The following MAPK10 variants were observed in gnomAD, a reference collection of about 807,000 sequenced individuals.
The protein encoded by MAPK10 is mitogen-activated protein kinase 10.
A neutral mutation model predicts 59.3 loss-of-function variants in MAPK10; 25 were observed. The ratio of observed to expected loss-of-function variants is 0.42; its 90% CI spans 0.31 to 0.59. The LOEUF is 0.59. Among genes scored for constraint, MAPK10 ranks in the 20% least tolerant of loss-of-function variants. The pLI, the probability that MAPK10 is intolerant of heterozygous loss-of-function variation, is 0.15. For synonymous variants in MAPK10, 190 were observed against 200.5 expected (o/e 0.95, Z 0.44); for missense variants, 351 against 568.9 (o/e 0.62, Z 3.90).
intron 1 of MAPK10, among the ~76,000 whole-genome samples, chr4:86,486,060 A>T (rs776074584): frequency 6.6e-6 from 1 of 152,118 alleles, no homozygotes; most frequent in Non-Finnish European, 1.5e-5. Flanking sequence ...ATTTGGGGAG[A>T]TGATGTAGGA....
chr4:86,472,530 C>T (rs1297299672), intron 1 of MAPK10, among the ~76,000 whole-genome samples: 1 of 152,054 alleles, frequency 6.6e-6, no homozygotes, highest in South Asian at 2.1e-4. Flanking sequence ...ACCTGTAGTC[C>T]CACTACTTGG....
Position 86,076,810 on chromosome 4 carries a change from G to A in MAPK10, c.803-8855C>T, listed in dbSNP as rs145874446. 1.3e-3 allele frequency among the ~76,000 whole-genome samples: 199 copies of A among 152,242 alleles called. 1 individual carries two copies. Among genetic ancestry groups the A allele is most frequent in the African/African-American group, 4.7e-3 (194 of 41,554 alleles). The stretch of plus-strand genomic sequence containing the variant: ...TATTAATTGTTAACATGGTAAATAT[G>A]TTTTTAAAGAATGACCAAAACCATT... On this transcript the variant is annotated intron_variant, in intron 9 of 13. Transcript: ENST00000641462.
At chr4:86,128,748 T>C (rs1247435631) in intron 4 of MAPK10, among the ~76,000 whole-genome samples, 1 of 152,102 alleles carries the variant, frequency 6.6e-6, no homozygotes, top group African/African-American at 2.4e-5. Flanking sequence ...AATTTTTTAT[T>C]ATAAATATAT....
intron 1 of MAPK10, among the ~76,000 whole-genome samples, chr4:86,383,932 T>C (rs1031622848): frequency 6.6e-6 from 1 of 152,234 alleles, no homozygotes; most frequent in Non-Finnish European, 1.5e-5. Context: ...CTTCTTTGAT[T>C]AATTTTTAAT....
chr4:86,239,429 C>A (rs2092544663), intron 2 of MAPK10, among the ~76,000 whole-genome samples: 1 of 152,086 alleles, frequency 6.6e-6, no homozygotes, highest in African/African-American at 2.4e-5. Flanking sequence ...ATGGTACCAG[C>A]TCCTCTTTGT....
intron 3 of MAPK10, among the ~76,000 whole-genome samples, chr4:86,177,245 C>A (rs1396217342): frequency 2.0e-5 from 3 of 151,978 alleles, no homozygotes; most frequent in Non-Finnish European, 4.4e-5. Context: ...GGGGTTCAGG[C>A]AGTCCTCCCA....
chr4:86,197,238 G>T (rs147525598), intron 2 of MAPK10, among the ~76,000 whole-genome samples: 2 of 152,186 alleles, frequency 1.3e-5, no homozygotes, highest in East Asian at 3.9e-4. Context: ...ATTTCCTTGA[G>T]CAGTGGCTCA....
chr4:86,503,111 T>C (rs778332632), intron 1 of MAPK10, among the ~76,000 whole-genome samples: 1 of 152,266 alleles, frequency 6.6e-6, no homozygotes, highest in South Asian at 2.1e-4. Flanking sequence ...TTCAAAGCCA[T>C]GTCATCCAAA....
At chr4:86,411,001 A>G (rs2149026874) in intron 1 of MAPK10, among the ~76,000 whole-genome samples, 1 of 152,194 alleles carries the variant, frequency 6.6e-6, no homozygotes, top group East Asian at 1.9e-4. Flanking sequence ...TTAGGGTGTC[A>G]ATTTTAGATC....
intron 12 of MAPK10, among the ~76,000 whole-genome samples, chr4:86,030,476 G>C (rs1163594231): frequency 6.6e-6 from 1 of 151,918 alleles, no homozygotes; most frequent in African/African-American, 2.4e-5. Context: ...GACTACAGGT[G>C]TGTACCACTA....
intron 1 of MAPK10, chr4:86,358,857 T>A (rs1735808700): frequency 6.6e-6 from 1 of 152,020 alleles, no homozygotes; most frequent in African/African-American, 2.4e-5. Context: ...GGACACAGTA[T>A]CCCAGCACAG....
chr4:86,551,409 C>A (rs1288024145), intron 1 of MAPK10, among the ~76,000 whole-genome samples: 1 of 152,084 alleles, frequency 6.6e-6, no homozygotes, highest in Non-Finnish European at 1.5e-5. Context: ...CTAAGCATAA[C>A]CAGTGAGTAA....
rs1560472397 is a variant in MAPK10 at position 86,013,054 on chromosome 4, G to A, written c.*4174C>T. The A allele has an allele frequency of 6.6e-6, 1 of 152,024 alleles. No homozygotes were observed. The highest frequency in any genetic ancestry group is 1.5e-5 in the Non-Finnish European group (1 of 68,020). The allele number at this position is 152,024 out of a possible 1,614,324, so 9.4% of individuals were successfully genotyped here. On this transcript the variant is annotated 3_prime_UTR_variant, in exon 14 of 14. Transcript: ENST00000641462. Reference sequence around the variant, plus strand: ...TGTCCATTAGAATATACTGGCCATTGGTCCCACATAAGTAAAGTTACATAT... The same window carrying A: ...TGTCCATTAGAATATACTGGCCATTAGTCCCACATAAGTAAAGTTACATAT...
At chr4:86,412,648 T>C (rs1191084795) in intron 1 of MAPK10, among the ~76,000 whole-genome samples, 2 of 152,212 alleles carry the variant, frequency 1.3e-5, no homozygotes, top group Non-Finnish European at 2.9e-5. Context: ...ATTTCATTTA[T>C]TTGATCTTAA....
At chr4:86,085,660 A>G (rs1157973259) in intron 9 of MAPK10, among the ~76,000 whole-genome samples, 1 of 152,176 alleles carries the variant, frequency 6.6e-6, no homozygotes, top group African/African-American at 2.4e-5. Context: ...GTAAATTATC[A>G]TAATAACTAG....
At chr4:86,103,117 G>T in intron 6 of MAPK10, 69 bp downstream of exon 6, 1 of 743,276 alleles carries the variant, frequency 1.3e-6, no homozygotes, top group Non-Finnish European at 2.4e-6. Context: ...GTGTGTGTGT[G>T]GTGTGTGATT....
intron 3 of MAPK10, chr4:86,164,394 C>T (rs919025893): frequency 7.9e-5 from 12 of 152,092 alleles, no homozygotes; most frequent in Admixed American, 4.6e-4. Context: ...CTTAGTGTCA[C>T]GCTTCTGGAA....
chr4:86,291,254 C>A (rs1381990271), intron 2 of MAPK10, among the ~76,000 whole-genome samples: 1 of 152,192 alleles, frequency 6.6e-6, no homozygotes, highest in African/African-American at 2.4e-5. Flanking sequence ...GCAAAAGAAA[C>A]ATAACCTCTA....
chr4:86,196,007 T>G (rs1052277542), intron 2 of MAPK10, among the ~76,000 whole-genome samples: 6 of 152,244 alleles, frequency 3.9e-5, no homozygotes, highest in African/African-American at 1.4e-4. Flanking sequence ...TTTGCTATTG[T>G]GAACAGTGCT....
Sources: allele counts gnomAD v4.1 joint callset (sites outside exome capture counted in the v4.1 genomes callset), GRCh38; gene constraint gnomAD v4.1.1; transcripts MANE v1.5; gene names NCBI Gene and HGNC (gene_info 2026-07-23, HGNC 2026-07-21).